The following CORO1B variants were observed in gnomAD, a reference collection of about 807,000 sequenced individuals.
The protein encoded by CORO1B is coronin 1B.
In CORO1B, 30 loss-of-function variants were observed where a neutral mutation model predicts 51.1. The ratio of observed to expected loss-of-function variants is 0.59; its 90% CI spans 0.44 to 0.80. The LOEUF is 0.80. Among genes scored for constraint, CORO1B ranks in the 30% least tolerant of loss-of-function variants. The pLI, the probability that CORO1B is intolerant of heterozygous loss-of-function variation, is 0.00. For missense variants in CORO1B, 648 were observed against 700.4 expected (o/e 0.93, Z 0.84); for synonymous variants, 310 against 289.7 (o/e 1.07, Z -0.71).
In CORO1B at chr11:67,442,608, G is replaced by T. The variant is rs150308810; in HGVS notation, c.21C>A (p.Val7=). 2.8e-4 allele frequency: 451 copies of T among 1,613,570 alleles called. 1 individual carries two copies. Among genetic ancestry groups the T allele is most frequent in the South Asian group, 2.0e-3 (178 of 91,088 alleles). MSFRKV[V]RQSKFRHVFG... is the part of the protein sequence containing the mutation. ...ACACATGCCGGAATTTGCTCTGCCG[G>T]ACCACTTTGCGGAAGGACATGTCTG... Residue 7 remains valine (V), a synonymous_variant, in exon 2 of 11, where the codon GTC becomes GTA. Transcript: ENST00000341356.
At chr11:67,441,706 G>A in intron 4 of CORO1B, 27 bp downstream of exon 4, 3 of 1,064,224 alleles carry the variant, frequency 2.8e-6, no homozygotes, top group Non-Finnish European at 4.2e-6. Flanking sequence ...TGGGGGGGGG[G>A]AGCACAAAAC....
intron 9 of CORO1B, among the ~76,000 whole-genome samples, 156 bp from the exon 10 acceptor site, chr11:67,439,105 A>C (rs1864348277): frequency 6.6e-6 from 1 of 152,176 alleles, no homozygotes; most frequent in Non-Finnish European, 1.5e-5. Flanking sequence ...GGACACCATC[A>C]ACAGCTCCCT....
rs749943867 is a variant in CORO1B, at chr11:67,438,661, G to A, written c.1344+10C>T. On this transcript the variant is annotated intron_variant, in intron 10 of 10. Transcript: ENST00000341356. ...GGCTCCCAGCACCACCCCTGCCTGC[G>A]CGTGCATACCCCGGCTCTGGCCAGG... 12 of 1,529,098 alleles carry A rather than the reference G, an allele frequency of 7.8e-6. No individual in the cohort carries two copies. Among genetic ancestry groups the A allele is most frequent in the South Asian group, 6.0e-5 (5 of 83,504 alleles). 94.7% of individuals were successfully genotyped at this position (1,529,098 alleles called of 1,614,324 possible). A position where few individuals can be genotyped will look rare whatever the true frequency, so the allele number is the denominator to read the frequency against.
rs1460756810 is a variant in CORO1B at position 67,441,387 on chromosome 11, T to A, written c.582A>T (p.Ala194=). The change falls in exon 5 of 11, where the codon GCA becomes GCT. Residue 194 remains alanine, a synonymous_variant. Coordinates refer to ENST00000341356, the MANE Select transcript of CORO1B (RefSeq NM_020441.3). ...WNHNGSLFCS[A]CKDKSVRIID... ...TGATGCGCACGCTCTTGTCCTTGCA[T>A]GCTGAGCAAAACAGGCTGCCATTGT... 6.2e-7 allele frequency: 1 copy of A among 1,613,818 alleles called. No individual in the cohort carries two copies. Among genetic ancestry groups the A allele is most frequent in the Admixed American group, 1.7e-5 (1 of 60,034 alleles).
Position 67,435,538 on chromosome 11 carries a change from G to C in CORO1B, c.*2838C>G. ...AGGCTGAAGGAGTTTTATTTCAAATGGTTGCCTGATGCCTGTGGTTGGGGG... is the reference window on the plus strand; with the variant it reads ...AGGCTGAAGGAGTTTTATTTCAAATCGTTGCCTGATGCCTGTGGTTGGGGG... On this transcript the variant is annotated 3_prime_UTR_variant, in exon 11 of 11. Coordinates refer to ENST00000341356, the MANE Select transcript of CORO1B (RefSeq NM_020441.3). The C allele has an allele frequency of 3.8e-6, 3 of 789,290 alleles. No homozygotes were observed. The highest frequency in any genetic ancestry group is 5.7e-6 in the Non-Finnish European group (3 of 524,794). The allele number at this position is 789,290 out of a possible 1,614,324, so 48.9% of individuals were successfully genotyped here. A position where few individuals can be genotyped will look rare whatever the true frequency, so the allele number is the denominator to read the frequency against.
In CORO1B at chr11:67,438,530, G is replaced by A. The variant is rs370588808; in HGVS notation, c.1345-29C>T. ...TGGGGACATGAAGCAGGGGTAGGGG[G>A]CGGTGGTCAGGGGCTGCTAAGCCAT... On this transcript the variant is annotated intron_variant, in intron 10 of 10. Transcript: ENST00000341356. 682 of 1,589,876 alleles carry A rather than the reference G, an allele frequency of 4.3e-4. 5 individuals are homozygous for A. Among genetic ancestry groups the A allele is most frequent in the Admixed American group, 1.4e-4 (8 of 58,782 alleles).
At position 67,435,849 on chromosome 11, in the gene CORO1B, C is replaced by A; in HGVS notation, c.*2527G>T. On this transcript the variant is annotated 3_prime_UTR_variant, in exon 11 of 11. Coordinates refer to ENST00000341356, the MANE Select transcript of CORO1B (RefSeq NM_020441.3). The stretch of plus-strand genomic sequence containing the variant: ...AGCAGGGCCTCAGCACTGCCCCCTG[C>A]GCTCGCTGGTCCTGGGGAGCCGAGG... 2 of 1,609,462 alleles carry A rather than the reference C, an allele frequency of 1.2e-6. No individual in the cohort carries two copies. The highest frequency in any genetic ancestry group is 1.7e-6 in the Non-Finnish European group (2 of 1,179,220).
Position 67,436,414 on chromosome 11 carries a change from G to C in CORO1B, c.*1962C>G. The stretch of plus-strand genomic sequence containing the variant: ...TGGGGTGGGGCCTGGTGTGGGGCAG[G>C]CTGGGTGACCAAGACCACTTTCGTT... On this transcript the variant is annotated 3_prime_UTR_variant, in exon 11 of 11. Coordinates refer to ENST00000341356, the MANE Select transcript of CORO1B (RefSeq NM_020441.3). 7.1e-7 allele frequency: 1 copy of C among 1,417,470 alleles called. No individual in the cohort carries two copies. The highest frequency in any genetic ancestry group is 9.2e-7 in the Non-Finnish European group (1 of 1,089,682). The allele number at this position is 1,417,470 out of a possible 1,614,324, so 87.8% of individuals were successfully genotyped here.
In CORO1B at chr11:67,441,856, G is replaced by T; in HGVS notation, c.331C>A (p.Gln111Lys). ...GAGGTCAGCCCGTTCTCTGGGATCT[G>T]CCACACCTGTGGTAGGGACAGGGCC... ...GSEDCTVMVW[Q>K]IPENGLTSPL... Residue 111 changes from glutamine (Q) to lysine (K), a missense_variant, in exon 4 of 11, where the codon CAG becomes AAG. Transcript: ENST00000341356. 1 of 1,613,196 alleles carries T rather than the reference G, an allele frequency of 6.2e-7. No individual in the cohort carries two copies. Among genetic ancestry groups the T allele is most frequent in the Non-Finnish European group, 8.5e-7 (1 of 1,179,978 alleles).
chr11:67,436,773 CAG>C lies in CORO1B; in HGVS notation c.*1601_*1602del, dbSNP rs1381631778. 8 of 181,360 alleles carry C rather than the reference CAG, an allele frequency of 4.4e-5. No homozygotes were observed. In the East Asian group the frequency reaches 1.2e-3, roughly 26 times the overall value. The allele number at this position is 181,360 out of a possible 1,614,324, so 11.2% of individuals were successfully genotyped here. On this transcript the variant is annotated 3_prime_UTR_variant, in exon 11 of 11. Transcript: ENST00000341356. ...GCCCACCCCAGCACCCCCCAGCACT[CAG>C]TGCCTTTTTCCTTCCATGTCACCTA...
Position 67,436,115 on chromosome 11 carries a change from C to CGG in CORO1B, c.*2260_*2261insCC. 3.1e-6 allele frequency: 5 copies of CGG among 1,598,492 alleles called. No individual in the cohort carries two copies. Among genetic ancestry groups the CGG allele is most frequent in the Non-Finnish European group, 4.3e-6 (5 of 1,172,600 alleles). ...ACCTGGGGGGCTGGCCCAGAGCAGGCGCCGCGTGCGGCCCCACAGCGCGGC... is the reference window on the plus strand; with the variant it reads ...ACCTGGGGGGCTGGCCCAGAGCAGGCGGGCCGCGTGCGGCCCCACAGCGCGGC... On this transcript the variant is annotated 3_prime_UTR_variant, in exon 11 of 11. Transcript: ENST00000341356.
Position 67,436,564 on chromosome 11 carries a change from C to A in CORO1B, c.*1812G>T. ...CCAGCCTCCTCCCTACCACTCACCT[C>A]CCCCAACAGCTGCATTAAGCCACCT... On this transcript the variant is annotated 3_prime_UTR_variant, in exon 11 of 11. Transcript: ENST00000341356. 2.1e-6 allele frequency: 1 copy of A among 481,656 alleles called. No homozygotes were observed. The highest frequency in any genetic ancestry group is 5.3e-5 in the South Asian group (1 of 18,768). The allele number at this position is 481,656 out of a possible 1,614,324, so 29.8% of individuals were successfully genotyped here. A position where few individuals can be genotyped will look rare whatever the true frequency, so the allele number is the denominator to read the frequency against.
intron 4 of CORO1B, 47 bp from the exon 5 acceptor site, chr11:67,441,561 C>T: frequency 6.3e-7 from 1 of 1,587,754 alleles, no homozygotes; most frequent in Non-Finnish European, 8.6e-7. Context: ...TGGCAGGAGG[C>T]CATTAGCTCA....
chr11:67,443,590 G>C, upstream of CORO1B: 2 of 688,278 alleles, frequency 2.9e-6, no homozygotes, highest in Non-Finnish European at 3.6e-6. Context: ...GAGCGGCGCC[G>C]GGGGGCCGGG....
upstream of CORO1B, chr11:67,443,643 A>G (rs1284062670): frequency 2.4e-6 from 2 of 831,944 alleles, no homozygotes; most frequent in African/African-American, 1.9e-5. Flanking sequence ...CCCCTTTCCT[A>G]GGACCCGGTG....
rs775434287 is a variant in CORO1B, at chr11:67,438,471, C to T, written c.1375G>A (p.Glu459Lys). 16 of 1,610,234 alleles carry T rather than the reference C, an allele frequency of 9.9e-6. No individual in the cohort carries two copies. In the Admixed American group the frequency reaches 2.7e-4, roughly 27 times the overall value. The change falls in exon 11 of 11, where the codon GAG becomes AAG. Residue 459 changes from glutamate to lysine, a missense_variant. Coordinates refer to ENST00000341356, the MANE Select transcript of CORO1B (RefSeq NM_020441.3). The part of the protein sequence containing the change: ...EAGKLEEVMQ[E>K]LRALRALVKE... ...ACCAGCGCCCTCAGGGCCCGCAGCT[C>T]CTGCATCACCTCCTCCAGCTTCCCA...
rs1172997943 is a variant in CORO1B, at chr11:67,438,657, C to T, written c.1344+14G>A. On this transcript the variant is annotated intron_variant, in intron 10 of 10. Coordinates refer to ENST00000341356, the MANE Select transcript of CORO1B (RefSeq NM_020441.3). ...CTGGGGCTCCCAGCACCACCCCTGC[C>T]TGCGCGTGCATACCCCGGCTCTGGC... 7 of 1,526,158 alleles carry T rather than the reference C, an allele frequency of 4.6e-6. No individual in the cohort carries two copies. Among genetic ancestry groups the T allele is most frequent in the Admixed American group, 3.9e-5 (2 of 50,824 alleles). The allele number at this position is 1,526,158 out of a possible 1,614,324, so 94.5% of individuals were successfully genotyped here.
At position 67,439,819 on chromosome 11, in the gene CORO1B, C is replaced by T; in HGVS notation, c.1032G>A (p.Lys344=). 1 of 1,588,738 alleles carries T rather than the reference C, an allele frequency of 6.3e-7. No individual in the cohort carries two copies. Among genetic ancestry groups the T allele is most frequent in the African/African-American group, 1.3e-5 (1 of 74,802 alleles). ...GCACAGTCATGACGATGGGCTCACA[C>T]TTGCGCTCATGCAGTTTGTAGAACC... ...IARFYKLHER[K]CEPIVMTVPR... Residue 344 remains lysine (K), a synonymous_variant, in exon 9 of 11, where the codon AAG becomes AAA. Coordinates refer to ENST00000341356, the MANE Select transcript of CORO1B (RefSeq NM_020441.3).
Position 67,437,433 on chromosome 11 carries a change from G to T in CORO1B, c.*943C>A. The stretch of plus-strand genomic sequence containing the variant: ...GTCCGGTATGGGGTGCTGGGGGCCA[G>T]GCCTGGAGTCCCAGGGAGCCCAGCT... On this transcript the variant is annotated 3_prime_UTR_variant, in exon 11 of 11. Transcript: ENST00000341356. 1 of 613,470 alleles carries T rather than the reference G, an allele frequency of 1.6e-6. No homozygotes were observed. The highest frequency in any genetic ancestry group is 2.5e-6 in the Non-Finnish European group (1 of 405,824). The allele number at this position is 613,470 out of a possible 1,614,324, so 38.0% of individuals were successfully genotyped here.
Sources: allele counts gnomAD v4.1 joint callset (sites outside exome capture counted in the v4.1 genomes callset), GRCh38; gene constraint gnomAD v4.1.1; transcripts MANE v1.5; gene names NCBI Gene and HGNC (gene_info 2026-07-23, HGNC 2026-07-21).